Variants in RAD54B observed in about 807,000 individuals in gnomAD.
RAD54B encodes the protein DNA repair and recombination protein RAD54B.
Under a neutral mutation model 95.8 loss-of-function variants are expected in RAD54B, and 78 were observed. The ratio of observed to expected loss-of-function variants is 0.81; its 90% CI spans 0.68 to 0.98. The LOEUF is 0.98. Among genes scored for constraint, RAD54B ranks in the 50% least tolerant of loss-of-function variants. The pLI is 0.00. For synonymous variants in RAD54B, 328 were observed against 354.9 expected (o/e 0.92, Z 0.85); for missense variants, 957 against 1,056.6 (o/e 0.91, Z 1.31).
At chr8:94,407,828 T>C in intron 4 of RAD54B, 108 bp from the exon 5 acceptor site, 1 of 778,156 alleles carries the variant, frequency 1.3e-6, no homozygotes, top group Non-Finnish European at 1.9e-6. Context: ...TCTTATATAA[T>C]GCATTAGCCA....
intron 3 of RAD54B, among the ~76,000 whole-genome samples, chr8:94,425,779 C>T (rs1182850698): frequency 1.3e-5 from 2 of 151,140 alleles, no homozygotes; most frequent in Non-Finnish European, 2.9e-5. Flanking sequence ...TTCTTCAATA[C>T]CTCATGTCAG....
At chr8:94,398,840 A>G (rs1811202456) in intron 8 of RAD54B, among the ~76,000 whole-genome samples, 1 of 152,156 alleles carries the variant, frequency 6.6e-6, no homozygotes, top group South Asian at 2.1e-4. Flanking sequence ...CCACCTTTCC[A>G]GACAGTTGGG....
intron 3 of RAD54B, among the ~76,000 whole-genome samples, chr8:94,422,752 T>TTTTATATA (rs1339321134): frequency 1.6e-5 from 2 of 125,428 alleles, no homozygotes; most frequent in Non-Finnish European, 3.4e-5. Context: ...CCACAAAAAA[T>TTTTATATA]TATATATATA....
At chr8:94,378,522 A>C (rs1166816843) in intron 13 of RAD54B, 46 bp downstream of exon 13, 1 of 1,511,370 alleles carries the variant, frequency 6.6e-7, no homozygotes, top group South Asian at 1.2e-5. Context: ...AAATAATTTT[A>C]ATTATTCAAA....
At chr8:94,436,775 G>GTTC (rs1201503901) in intron 3 of RAD54B, 1 of 1,550,138 alleles carries the variant, frequency 6.5e-7, no homozygotes, top group African/African-American at 1.4e-5. Flanking sequence ...TTATTAGTGT[G>GTTC]TTCTTCGAGA....
intron 2 of RAD54B, among the ~76,000 whole-genome samples, chr8:94,465,102 T>C (rs541332924): frequency 7.6e-6 from 1 of 131,702 alleles, no homozygotes; most frequent in Non-Finnish European, 1.6e-5. Flanking sequence ...GGGACAAATA[T>C]CCAAACTCTA....
At position 94,393,797 on chromosome 8, in the gene RAD54B, A is replaced by G. The variant is rs753842236; in HGVS notation, c.1464T>C (p.Tyr488=). 26 of 1,585,368 alleles carry G rather than the reference A, an allele frequency of 1.6e-5. No homozygotes were observed. Among genetic ancestry groups the G allele is most frequent in the East Asian group, 6.7e-5 (3 of 44,626 alleles). ...TGATGGGTTCTTCATATATTTTCCT[A>G]TAAGATGACAAAGAGCCTAATATTC... ...NPGILGSLSS[Y]RKIYEEPIIL... Residue 488 remains tyrosine, a synonymous_variant, in exon 9 of 15, where the codon TAT becomes TAC. Coordinates refer to ENST00000336148, the MANE Select transcript of RAD54B (RefSeq NM_012415.3).
chr8:94,460,329 G>A (rs1812874567), intron 2 of RAD54B, among the ~76,000 whole-genome samples: 1 of 152,070 alleles, frequency 6.6e-6, no homozygotes, highest in Non-Finnish European at 1.5e-5. Context: ...AAATTAGCCA[G>A]GCACAGTGGT....
chr8:94,453,850 G>A (rs999405497), intron 3 of RAD54B, among the ~76,000 whole-genome samples: 3 of 152,018 alleles, frequency 2.0e-5, no homozygotes, highest in African/African-American at 4.8e-5. Context: ...GGAGTGCAAC[G>A]GCGCAATCTC....
At position 94,389,262 on chromosome 8, in the gene RAD54B, C is replaced by T. The variant is rs906022293; in HGVS notation, c.1810-2103G>A. Among the ~76,000 whole-genome samples, 10 of 152,258 alleles carry T rather than the reference C, an allele frequency of 6.6e-5. No homozygotes were observed. In the East Asian group the frequency reaches 7.7e-4, roughly 12 times the overall value. On this transcript the variant is annotated intron_variant, in intron 10 of 14. Coordinates refer to ENST00000336148, the MANE Select transcript of RAD54B (RefSeq NM_012415.3). Reference sequence around the variant, plus strand: ...GAGCCACCGCCCTGGCCAAGACGGGCGATCTTAATGCACAAGTTCTTAACC... The same window carrying T: ...GAGCCACCGCCCTGGCCAAGACGGGTGATCTTAATGCACAAGTTCTTAACC...
chr8:94,421,263 G>C (rs1005540368), intron 3 of RAD54B, among the ~76,000 whole-genome samples: 1 of 152,120 alleles, frequency 6.6e-6, no homozygotes, highest in African/African-American at 2.4e-5. Context: ...CTTCCTCCTA[G>C]AAATACTGAA....
At position 94,461,284 on chromosome 8, in the gene RAD54B, T is replaced by C. The variant is rs536825660; in HGVS notation, c.136-2848A>G. The stretch of plus-strand genomic sequence containing the variant: ...GCCTCCCAGGTTCAAGCAATTCTCC[T>C]GCCTCAGCCTCCCGAGTAGCTGAGA... On this transcript the variant is annotated intron_variant, in intron 2 of 14. Coordinates refer to ENST00000336148, the MANE Select transcript of RAD54B (RefSeq NM_012415.3). Among the ~76,000 whole-genome samples the C allele has an allele frequency of 3.4e-5, 5 of 145,316 alleles. No individual in the cohort carries two copies. In the East Asian group the frequency reaches 1.1e-3, roughly 32 times the overall value.
rs2129929897 is a variant in RAD54B, at chr8:94,372,070, T to C, written c.*100A>G. The stretch of plus-strand genomic sequence containing the variant: ...CAAAAGTGATATATTTTGCAACATA[T>C]ACTGTAATTTAAATAATTCTATTAA... On this transcript the variant is annotated 3_prime_UTR_variant, in exon 15 of 15. Coordinates refer to ENST00000336148, the MANE Select transcript of RAD54B (RefSeq NM_012415.3). 2.0e-6 allele frequency: 3 copies of C among 1,469,752 alleles called. No individual in the cohort carries two copies. Among genetic ancestry groups the C allele is most frequent in the Non-Finnish European group, 1.8e-6 (2 of 1,116,558 alleles). 91.0% of individuals were successfully genotyped at this position (1,469,752 alleles called of 1,614,324 possible).
chr8:94,436,932 T>G (rs2130123495), intron 3 of RAD54B: 1 of 1,456,334 alleles, frequency 6.9e-7, no homozygotes, highest in African/African-American at 1.4e-5. Context: ...TCTGCTCAGC[T>G]CTTTTCACAA....
chr8:94,377,930 C>A (rs971072954), intron 14 of RAD54B, among the ~76,000 whole-genome samples: 1 of 128,604 alleles, frequency 7.8e-6, no homozygotes, highest in African/African-American at 3.0e-5. Context: ...GAGCCGAGAT[C>A]GCGCCACTGC....
chr8:94,436,082 C>G (rs1193551413), intron 3 of RAD54B, among the ~76,000 whole-genome samples: 1 of 151,952 alleles, frequency 6.6e-6, no homozygotes, highest in Non-Finnish European at 1.5e-5. Context: ...TTCCATTTCT[C>G]TAGAAACTGC....
chr8:94,432,266 C>T, intron 3 of RAD54B: 1 of 1,550,298 alleles, frequency 6.5e-7, no homozygotes, highest in South Asian at 1.2e-5. Context: ...CCTGAACATA[C>T]AATCCAAAAT....
chr8:94,408,544 G>A (rs1297180665), intron 4 of RAD54B, among the ~76,000 whole-genome samples: 1 of 152,044 alleles, frequency 6.6e-6, no homozygotes, highest in Non-Finnish European at 1.5e-5. Context: ...AAAATATGAT[G>A]ACCCTTTTCA....
chr8:94,373,939 T>G (rs1255432260), intron 14 of RAD54B, among the ~76,000 whole-genome samples: 1 of 152,212 alleles, frequency 6.6e-6, no homozygotes, highest in African/African-American at 2.4e-5. Flanking sequence ...CATTCCTTAA[T>G]ATCATCAAAT....
Sources: allele counts gnomAD v4.1 joint callset (sites outside exome capture counted in the v4.1 genomes callset), GRCh38; gene constraint gnomAD v4.1.1; transcripts MANE v1.5; gene names NCBI Gene and HGNC (gene_info 2026-07-23, HGNC 2026-07-21).